SHTN1: variants seen among roughly 807,000 people sequenced by gnomAD.
SHTN1 encodes the protein shootin 1, also known as shootin-1.
A neutral mutation model predicts 83.1 loss-of-function variants in SHTN1; 42 were observed. The ratio of observed to expected loss-of-function variants is 0.51; its 90% confidence interval spans 0.39 to 0.65. The LOEUF is 0.65. Ranked by LOEUF, SHTN1 falls within the 30% of genes least tolerant of loss-of-function variation. The pLI is 0.00. For missense variants in SHTN1, 622 were observed against 737.8 expected (o/e 0.84, Z 1.82); for synonymous variants, 224 against 247.7 (o/e 0.90, Z 0.90).
At chr10:117,091,215 T>C (rs1241699745) in intron 1 of SHTN1, among the ~76,000 whole-genome samples, 1 of 152,334 alleles carries the variant, frequency 6.6e-6, no homozygotes, top group East Asian at 1.9e-4. Flanking sequence ...ATATTAACAT[T>C]TATCGAGCTT....
intron 2 of SHTN1, among the ~76,000 whole-genome samples, chr10:117,022,230 A>G (rs927499291): frequency 5.3e-5 from 8 of 152,226 alleles, no homozygotes; most frequent in African/African-American, 1.9e-4. Flanking sequence ...CTTTGAATGA[A>G]TATTTTTTGA....
chr10:117,031,652 T>C (rs947277835), intron 2 of SHTN1, among the ~76,000 whole-genome samples: 4 of 152,190 alleles, frequency 2.6e-5, no homozygotes, highest in Admixed American at 2.0e-4. Context: ...TGTTTATTTA[T>C]GCAAACAGGG....
chr10:116,957,841 C>T (rs550152815), intron 4 of SHTN1, among the ~76,000 whole-genome samples: 1 of 152,200 alleles, frequency 6.6e-6, no homozygotes, highest in Admixed American at 6.5e-5. Flanking sequence ...GGGCAGGTCA[C>T]CTGAGGTCAG....
At chr10:117,016,436 T>A (rs1852181796) in intron 2 of SHTN1, among the ~76,000 whole-genome samples, 1 of 152,230 alleles carries the variant, frequency 6.6e-6, no homozygotes. Context: ...AGACTGAGTC[T>A]CGCTCTGTCA....
intron 2 of SHTN1, among the ~76,000 whole-genome samples, chr10:117,046,503 C>G (rs955334592): frequency 1.3e-5 from 2 of 152,138 alleles, no homozygotes; most frequent in African/African-American, 4.8e-5. Context: ...TGTCATATGA[C>G]CCAGAACTTC....
intron 2 of SHTN1, among the ~76,000 whole-genome samples, chr10:116,976,743 C>CT (rs201147444): frequency 0.016 from 2,366 of 152,226 alleles, 31 homozygotes; most frequent in Non-Finnish European, 0.025. Flanking sequence ...TACAGCCCCC[C>CT]TTTTTTGAGG....
Position 116,960,240 on chromosome 10 carries a change from AG to A in SHTN1, c.173-11del. ...ATGACCATGTGAGAAACTAGGAATG[AG>A]GGGGAAAAAAAATCTCAGCATTCAA... On this transcript the variant is annotated splice_polypyrimidine_tract_variant and intron_variant, in intron 3 of 16. Transcript: ENST00000355371. 2.0e-6 allele frequency: 3 copies of A among 1,479,200 alleles called. No homozygotes were observed. The highest frequency in any genetic ancestry group is 1.4e-5 in the African/African-American group (1 of 72,152). The allele number at this position is 1,479,200 out of a possible 1,614,324, so 91.6% of individuals were successfully genotyped here.
chr10:117,053,412 C>T (rs2133590209), intron 1 of SHTN1, among the ~76,000 whole-genome samples: 1 of 152,072 alleles, frequency 6.6e-6, no homozygotes, highest in Non-Finnish European at 1.5e-5. Context: ...TATAACTAAA[C>T]AACAAAAAGA....
chr10:116,974,605 C>T (rs1443023024), intron 2 of SHTN1, among the ~76,000 whole-genome samples: 1 of 152,184 alleles, frequency 6.6e-6, no homozygotes, highest in Admixed American at 6.5e-5. Flanking sequence ...TGCACTGTTA[C>T]AGTAGCTCAC....
At chr10:116,948,821 A>G in intron 7 of SHTN1, 95 bp downstream of exon 7, 1 of 745,034 alleles carries the variant, frequency 1.3e-6, no homozygotes, top group Non-Finnish European at 1.9e-6. Context: ...TTTTATTTAC[A>G]GTCATATTTA....
In SHTN1 at chr10:116,930,017, A is replaced by T. The variant is rs781420248; in HGVS notation, c.859-15T>A. 1 of 1,498,780 alleles carries T rather than the reference A, an allele frequency of 6.7e-7. No homozygotes were observed. Among genetic ancestry groups the T allele is most frequent in the Admixed American group, 2.4e-5 (1 of 42,122 alleles). The allele number at this position is 1,498,780 out of a possible 1,614,324, so 92.8% of individuals were successfully genotyped here. ...AATTCTTTGACCTATAAGTTATTTAAAAAAAAAAGACTTTTATGGCTGACA... is the reference window on the plus strand; with the variant it reads ...AATTCTTTGACCTATAAGTTATTTATAAAAAAAAGACTTTTATGGCTGACA... On this transcript the variant is annotated splice_polypyrimidine_tract_variant and intron_variant, in intron 9 of 16. Coordinates refer to ENST00000355371, the MANE Select transcript of SHTN1 (RefSeq NM_001127211.3).
intron 2 of SHTN1, among the ~76,000 whole-genome samples, chr10:117,034,353 A>G (rs1852464242): frequency 6.6e-6 from 1 of 152,198 alleles, no homozygotes; most frequent in African/African-American, 2.4e-5. Flanking sequence ...ATACAAAATC[A>G]ACATATGGCC....
At chr10:116,978,524 C>T (rs1012893483) in intron 2 of SHTN1, among the ~76,000 whole-genome samples, 1 of 151,748 alleles carries the variant, frequency 6.6e-6, no homozygotes, top group Non-Finnish European at 1.5e-5. Context: ...CTTTCCTTTG[C>T]TATTCAGTCC....
intron 1 of SHTN1, among the ~76,000 whole-genome samples, chr10:117,074,548 T>G (rs1318815730): frequency 2.0e-5 from 3 of 152,224 alleles, no homozygotes; most frequent in African/African-American, 7.2e-5. Context: ...AAAGAACCAC[T>G]GCACTTCAGT....
intron 9 of SHTN1, among the ~76,000 whole-genome samples, chr10:116,930,571 T>C (rs1015213471): frequency 2.0e-5 from 3 of 152,202 alleles, no homozygotes; most frequent in Admixed American, 1.3e-4. Context: ...CATTCCTTTT[T>C]ATGGCTACAC....
At chr10:117,063,874 G>GAA (rs1852934738) in intron 1 of SHTN1, among the ~76,000 whole-genome samples, 2 of 152,070 alleles carry the variant, frequency 1.3e-5, no homozygotes, top group South Asian at 4.2e-4. Flanking sequence ...GGCCTTTCTT[G>GAA]ATATCCCCAA....
At chr10:117,046,527 A>G (rs1279263498) in intron 2 of SHTN1, among the ~76,000 whole-genome samples, 2 of 152,230 alleles carry the variant, frequency 1.3e-5, no homozygotes, top group Non-Finnish European at 2.9e-5. Flanking sequence ...TGCTATGTAT[A>G]TACCTAAGAA....
chr10:117,045,886 G>A (rs1180029194), intron 2 of SHTN1, among the ~76,000 whole-genome samples: 1 of 152,060 alleles, frequency 6.6e-6, no homozygotes, highest in African/African-American at 2.4e-5. Flanking sequence ...AAAGTGGATG[G>A]CATACAATAA....
At chr10:116,911,755 C>T in intron 14 of SHTN1, 35 bp downstream of exon 14, 1 of 1,585,164 alleles carries the variant, frequency 6.3e-7, no homozygotes, top group Non-Finnish European at 8.7e-7. Context: ...TTCATTTCCC[C>T]ATTAGCTAAA....
Sources: allele counts gnomAD v4.1 joint callset (sites outside exome capture counted in the v4.1 genomes callset), GRCh38; gene constraint gnomAD v4.1.1; transcripts MANE v1.5; gene names NCBI Gene and HGNC (gene_info 2026-07-23, HGNC 2026-07-21).